WDPCP: variants seen among roughly 807,000 people sequenced by gnomAD.
WDPCP encodes the protein WD repeat containing planar cell polarity effector.
Under a neutral mutation model 93.1 loss-of-function variants are expected in WDPCP, and 71 were observed. That is an observed-to-expected ratio of 0.76 (90% CI 0.63 to 0.93). WDPCP has a LOEUF of 0.93. WDPCP is among the 40% of genes least tolerant of loss of function. WDPCP has a pLI of 0.00. For missense variants in WDPCP, 844 were observed against 887.4 expected, an observed-to-expected ratio of 0.95 and a Z score of 0.62; for synonymous variants, 315 against 315.0, an observed-to-expected ratio of 1.00 and a Z score of 0.00.
intron 3 of WDPCP, among the ~76,000 whole-genome samples, chr2:63,637,711 T>C (rs1010740865): frequency 6.6e-6 from 1 of 152,050 alleles, no homozygotes; most frequent in African/African-American, 2.4e-5. Context: ...ATCAGGGAAA[T>C]GCAAATCAAA....
At chr2:63,514,832 T>C (rs1360520266) in intron 1 of WDPCP, among the ~76,000 whole-genome samples, 6 of 152,170 alleles carry the variant, frequency 3.9e-5, no homozygotes, top group Admixed American at 2.6e-4. Context: ...GGAGGGTTTA[T>C]ATTTTAAGAC....
chr2:63,179,001 A>G (rs1425005970), intron 14 of WDPCP, among the ~76,000 whole-genome samples: 2 of 152,054 alleles, frequency 1.3e-5, no homozygotes, highest in Non-Finnish European at 2.9e-5. Context: ...AAGAAATACC[A>G]TACAACCTGA....
intron 2 of WDPCP, among the ~76,000 whole-genome samples, chr2:63,683,744 A>G (rs4671526): frequency 0.78 from 118,865 of 151,874 alleles, 47,724 homozygotes; most frequent in African/African-American, 0.9. Context: ...AGCTACTTGG[A>G]ATGCTAAGGC....
intron 9 of WDPCP, among the ~76,000 whole-genome samples, chr2:63,414,367 T>C (rs1695243757): frequency 6.6e-6 from 1 of 152,044 alleles, no homozygotes; most frequent in Non-Finnish European, 1.5e-5. Context: ...ATTAAGAAGA[T>C]ACTTGCATAG....
At chr2:63,704,466 C>A (rs946910787) in intron 2 of WDPCP, among the ~76,000 whole-genome samples, 2 of 152,112 alleles carry the variant, frequency 1.3e-5, no homozygotes, top group African/African-American at 4.8e-5. Flanking sequence ...TTTTGAGATA[C>A]GTCCCATCAA....
chr2:63,710,413 C>T (rs1428539059), intron 2 of WDPCP, among the ~76,000 whole-genome samples: 2 of 152,158 alleles, frequency 1.3e-5, no homozygotes, highest in African/African-American at 4.8e-5. Context: ...GTAATAGCCC[C>T]TCATTGTTGC....
In WDPCP at chr2:63,451,094, C is replaced by T. The variant is rs1285357563; in HGVS notation, c.385-11223G>A. On this transcript the variant is annotated intron_variant, in intron 6 of 17. Coordinates refer to ENST00000272321, the MANE Select transcript of WDPCP (RefSeq NM_015910.7). ...AAGAGAATCCTGAAAAATAATACTA[C>T]GAAATAAGAAAAAGAATTCAAGATA... Among the ~76,000 whole-genome samples, 9 of 151,106 alleles carry T rather than the reference C, an allele frequency of 6.0e-5. No individual in the cohort carries two copies. The South Asian group carries it at 6.3e-4, about 11-fold the overall frequency.
chr2:63,557,257 A>T (rs899766105), intron 1 of WDPCP, among the ~76,000 whole-genome samples: 7 of 152,204 alleles, frequency 4.6e-5, no homozygotes, highest in African/African-American at 1.4e-4. Context: ...TGCTGTATTC[A>T]AGCGACCCAT....
intron 15 of WDPCP, among the ~76,000 whole-genome samples, chr2:63,157,087 G>A: frequency 7.0e-6 from 1 of 143,226 alleles, no homozygotes; most frequent in African/African-American, 2.6e-5. Flanking sequence ...ATGGAATTTT[G>A]TCAGACATGC....
chr2:63,458,715 C>A (rs1166025574), intron 6 of WDPCP, among the ~76,000 whole-genome samples: 2 of 151,908 alleles, frequency 1.3e-5, no homozygotes, highest in African/African-American at 2.4e-5. Context: ...TTTTCACAGA[C>A]ATAGAAAAAA....
chr2:63,561,320 T>C (rs891161207), intron 1 of WDPCP, among the ~76,000 whole-genome samples: 5 of 151,544 alleles, frequency 3.3e-5, no homozygotes, highest in Non-Finnish European at 7.4e-5. Context: ...CTACTAAAAA[T>C]ACAAAAAACC....
chr2:63,299,322 A>G (rs1162582024), intron 13 of WDPCP, among the ~76,000 whole-genome samples: 1 of 152,170 alleles, frequency 6.6e-6, no homozygotes, highest in Non-Finnish European at 1.5e-5. Context: ...CTATCAGTGG[A>G]TGGCTGAGTG....
rs577901157 is a variant in WDPCP at position 63,489,453 on chromosome 2, T to C, written c.161-1959A>G. 3.7e-4 allele frequency among the ~76,000 whole-genome samples: 57 copies of C among 152,220 alleles called. No homozygotes were observed. The South Asian group carries it at 3.9e-3, about 11-fold the overall frequency. On this transcript the variant is annotated intron_variant, in intron 2 of 17. Transcript: ENST00000272321. ...CACTGAGAGGGCCTGGGAGCAGCAA[T>C]GTTCCAATAATGAGTGCACCTAAAG...
intron 1 of WDPCP, among the ~76,000 whole-genome samples, chr2:63,821,754 T>C (rs1238559043): frequency 1.3e-5 from 2 of 152,070 alleles, no homozygotes; most frequent in Non-Finnish European, 2.9e-5. Flanking sequence ...TTACATAAAA[T>C]GATAACAGTC....
At chr2:63,751,653 G>T in intron 2 of WDPCP, 1 of 484,946 alleles carries the variant, frequency 2.1e-6, no homozygotes, top group Non-Finnish European at 4.0e-6. Flanking sequence ...CCCTTCTCTG[G>T]CTCTCTTCTC....
intron 3 of WDPCP, 104 bp downstream of exon 3, chr2:63,487,343 A>T: frequency 1.2e-6 from 1 of 809,020 alleles, no homozygotes; most frequent in East Asian, 2.7e-5. Flanking sequence ...TTAAAATTCT[A>T]GAATTTATCT....
intron 9 of WDPCP, among the ~76,000 whole-genome samples, chr2:63,413,089 T>C (rs1695142022): frequency 6.6e-6 from 1 of 151,834 alleles, no homozygotes; most frequent in African/African-American, 2.4e-5. Context: ...AAAGAACAAA[T>C]CTGGAGGCAT....
chr2:63,303,367 G>A (rs1685476669), intron 13 of WDPCP, among the ~76,000 whole-genome samples: 1 of 152,134 alleles, frequency 6.6e-6, no homozygotes, highest in South Asian at 2.1e-4. Flanking sequence ...GTGGTAGGAC[G>A]TGGGTTGGCC....
chr2:63,775,444 T>A (rs1446074863), intron 2 of WDPCP, among the ~76,000 whole-genome samples: 7 of 152,232 alleles, frequency 4.6e-5, no homozygotes, highest in African/African-American at 1.7e-4. Flanking sequence ...TTGGAGGAAA[T>A]TCATATATAG....
Sources: gnomAD v4.1 joint callset for allele counts (sites outside exome capture counted in the v4.1 genomes callset) on GRCh38, gnomAD v4.1.1 for gene constraint, MANE v1.5 for transcripts, NCBI Gene and HGNC (gene_info 2026-07-23, HGNC 2026-07-21) for gene names.